VWA1: variants seen among roughly 807,000 people sequenced by gnomAD.
VWA1 encodes von Willebrand factor A domain-containing protein 1.
Under a neutral mutation model 14.9 loss-of-function variants are expected in VWA1, and 12 were observed. The ratio of observed to expected loss-of-function variants is 0.80; its 90% confidence interval spans 0.52 to 1.30. The LOEUF is 1.30. VWA1 is among the 50% of genes most tolerant of loss of function. VWA1 has a pLI of 0.00. For synonymous variants in VWA1, 368 were observed against 310.7 expected, an observed-to-expected ratio of 1.18 and a Z score of -1.94; for missense variants, 800 against 649.1, an observed-to-expected ratio of 1.23 and a Z score of -2.53.
At chr1:1,436,665 TG>T (rs1001444346) in intron 1 of VWA1, 3 of 433,754 alleles carry the variant, frequency 6.9e-6, no homozygotes, top group African/African-American at 2.0e-5. Flanking sequence ...TGGGAAGGTG[TG>T]GGGGCTTGGA....
intron 1 of VWA1, 131 bp downstream of exon 1, chr1:1,435,952 G>A (rs1157698513): frequency 4.4e-5 from 30 of 688,420 alleles, no homozygotes; most frequent in Non-Finnish European, 5.4e-5. Context: ...GAGCCGGGCG[G>A]GGGCGCGGGC....
chr1:1,436,288 C>T (rs899379190), intron 1 of VWA1, among the ~76,000 whole-genome samples: 1 of 152,128 alleles, frequency 6.6e-6, no homozygotes, highest in African/African-American at 2.4e-5. Context: ...CCCGGAGGTG[C>T]CCGGAGGAAG....
chr1:1,441,503 G>C lies in VWA1; in HGVS notation c.*1716G>C, dbSNP rs564154303. The stretch of plus-strand genomic sequence containing the variant: ...CCCCTTAGCCCCCAAGTCAGGCCAC[G>C]GAGGCCTGAGTAGGACCCATGGGCT... On this transcript the variant is annotated 3_prime_UTR_variant, in exon 3 of 3. Transcript: ENST00000476993. The C allele has an allele frequency of 6.6e-6, 1 of 152,512 alleles. No homozygotes were observed. Among genetic ancestry groups the C allele is most frequent in the Non-Finnish European group, 1.5e-5 (1 of 68,308 alleles). The allele number at this position is 152,512 out of a possible 1,614,324, so 9.4% of individuals were successfully genotyped here. A position where few individuals can be genotyped will look rare whatever the true frequency, so the allele number is the denominator to read the frequency against.
intron 2 of VWA1, 105 bp from the exon 3 acceptor site, chr1:1,438,976 C>T (rs1638600053): frequency 2.1e-6 from 3 of 1,444,830 alleles, no homozygotes; most frequent in Non-Finnish European, 1.8e-6. Flanking sequence ...CCCGTCTTTC[C>T]TAGTGGGGCC....
Position 1,437,070 on chromosome 1 carries a change from G to A in VWA1, c.217G>A (p.Ala73Thr), listed in dbSNP as rs2100452426. ...PLPLGTGALR[A>T]SLVHVGSRPY... ...GCCCCTGGGCACCGGGGCCCTGCGT[G>A]CCAGTCTGGTGCACGTGGGCAGTCG... The change falls in exon 2 of 3, where the codon GCC becomes ACC. Residue 73 changes from alanine to threonine, a missense_variant. Physicochemically the swap from Ala to Thr is moderately conservative, Grantham distance 58 (BLOSUM62 0). Coordinates refer to ENST00000476993, the MANE Select transcript of VWA1 (RefSeq NM_022834.5). 8 of 1,609,654 alleles carry A rather than the reference G, an allele frequency of 5.0e-6. No homozygotes were observed. Among genetic ancestry groups the A allele is most frequent in the East Asian group, 2.2e-5 (1 of 44,808 alleles).
chr1:1,441,161 A>C lies in VWA1; in HGVS notation c.*1374A>C, dbSNP rs968109278. The C allele has an allele frequency of 2.0e-5, 3 of 152,186 alleles. No homozygotes were observed. Among genetic ancestry groups the C allele is most frequent in the African/African-American group, 7.2e-5 (3 of 41,424 alleles). 9.4% of individuals were successfully genotyped at this position (152,186 alleles called of 1,614,324 possible). ...TCTGCGTGACCCCAGGAACTGCAGC[A>C]TTGAGGTGGTCTCAGTCCCTCCCTC... is the stretch of plus-strand genomic sequence containing the variant. On this transcript the variant is annotated 3_prime_UTR_variant, in exon 3 of 3. Coordinates refer to ENST00000476993, the MANE Select transcript of VWA1 (RefSeq NM_022834.5).
Position 1,439,679 on chromosome 1 carries a change from C to T in VWA1, c.1230C>T (p.Gly410=). The change falls in exon 3 of 3, where the codon GGC becomes GGT. Residue 410 remains glycine (G), a synonymous_variant. Transcript: ENST00000476993. ...CCGTGACCGCCGCCTTCCGCTCGGG[C>T]CGCGAGAGCGCGCTGTCCGCCAAGG... ...LVTVTAAFRS[G]RESALSAKAC... 3.9e-6 allele frequency: 5 copies of T among 1,297,752 alleles called. No individual in the cohort carries two copies. The highest frequency in any genetic ancestry group is 4.9e-6 in the Non-Finnish European group (5 of 1,013,718). 80.4% of individuals were successfully genotyped at this position (1,297,752 alleles called of 1,614,324 possible). A position where few individuals can be genotyped will look rare whatever the true frequency, so the allele number is the denominator to read the frequency against.
rs1319972944 is a variant in VWA1 at position 1,436,535 on chromosome 1, C to T, written c.74-392C>T. On this transcript the variant is annotated intron_variant, in intron 1 of 2. Coordinates refer to ENST00000476993, the MANE Select transcript of VWA1 (RefSeq NM_022834.5). ...GCAGGCTGAGCTGCGTGGCTGAACTCCAGCCTCAGGCTGCTCCTCTGAAAG... is the reference window on the plus strand; with the variant it reads ...GCAGGCTGAGCTGCGTGGCTGAACTTCAGCCTCAGGCTGCTCCTCTGAAAG... Among the ~76,000 whole-genome samples, 3 of 152,240 alleles carry T rather than the reference C, an allele frequency of 2.0e-5. No homozygotes were observed. The East Asian group carries it at 5.8e-4, about 29-fold the overall frequency.
rs757761707 is a variant in VWA1, at chr1:1,439,084, C to G, written c.635C>G (p.Ala212Gly). Reference sequence around the variant, plus strand: ...TGACCCCCTGCACCACCCACAGACGCGATGCGGCCGCAGCAGCTCCATGCC... The same window carrying G: ...TGACCCCCTGCACCACCCACAGACGGGATGCGGCCGCAGCAGCTCCATGCC... ...VQELRGSILD[A>G]MRPQQLHATE... The change falls in exon 3 of 3, where the codon GCG becomes GGG. Residue 212 changes from alanine (A) to glycine (G), a missense_variant. Coordinates refer to ENST00000476993, the MANE Select transcript of VWA1 (RefSeq NM_022834.5). 1.9e-6 allele frequency: 3 copies of G among 1,597,764 alleles called. No individual in the cohort carries two copies. The highest frequency in any genetic ancestry group is 2.5e-6 in the Non-Finnish European group (3 of 1,179,122).
At position 1,435,712 on chromosome 1, in the gene VWA1, G is replaced by T. The variant is rs1241241848; in HGVS notation, c.-37G>T. Reference sequence around the variant, plus strand: ...TGCAGCCCCGAGCGAGCGAGCGAGCGAGCGAGTTGCCGAGCGCGCCCCGTC... The same window carrying T: ...TGCAGCCCCGAGCGAGCGAGCGAGCTAGCGAGTTGCCGAGCGCGCCCCGTC... On this transcript the variant is annotated 5_prime_UTR_variant, in exon 1 of 3. Coordinates refer to ENST00000476993, the MANE Select transcript of VWA1 (RefSeq NM_022834.5). 5.1e-6 allele frequency: 6 copies of T among 1,185,554 alleles called. No individual in the cohort carries two copies. The highest frequency in any genetic ancestry group is 4.7e-5 in the South Asian group (2 of 42,922). The allele number at this position is 1,185,554 out of a possible 1,614,324, so 73.4% of individuals were successfully genotyped here. A position where few individuals can be genotyped will look rare whatever the true frequency, so the allele number is the denominator to read the frequency against.
intron 1 of VWA1, 157 bp from the exon 2 acceptor site, chr1:1,436,770 G>A (rs982399614): frequency 1.4e-6 from 1 of 703,180 alleles, no homozygotes; most frequent in Non-Finnish European, 2.4e-6. Context: ...CAAAAGTACA[G>A]GCCTCTTGCT....
At position 1,437,613 on chromosome 1, in the gene VWA1, T is replaced by C. The variant is rs1011686465; in HGVS notation, c.631+129T>C. 3.4e-6 allele frequency: 4 copies of C among 1,182,474 alleles called. No individual in the cohort carries two copies. The African/African-American group carries it at 4.6e-5, about 14-fold the overall frequency. 73.2% of individuals were successfully genotyped at this position (1,182,474 alleles called of 1,614,324 possible). On this transcript the variant is annotated intron_variant, in intron 2 of 2. Transcript: ENST00000476993. ...AGGGCCTCCGGGGCTGTGGTACCCCTAGGGTGCAGGGCTGAGTGATGCAGC... is the reference window on the plus strand; with the variant it reads ...AGGGCCTCCGGGGCTGTGGTACCCCCAGGGTGCAGGGCTGAGTGATGCAGC...
intron 1 of VWA1, among the ~76,000 whole-genome samples, chr1:1,436,302 G>A (rs1399887315): frequency 2.6e-5 from 4 of 152,198 alleles, no homozygotes; most frequent in Non-Finnish European, 5.9e-5. Context: ...GAGGAAGGGG[G>A]AAGCCTGCGA....
chr1:1,439,730 G>GCGCCCA lies in VWA1; in HGVS notation c.1287_1292dup (p.Arg430_Pro431dup), dbSNP rs1279198649. On this transcript the variant is annotated inframe_insertion, in exon 3 of 3. Transcript: ENST00000476993. ...CCTGCACGCCCGACGGCCCGCGCCC[G>GCGCCCA]CGCCCACGCCCCGTGCCCCGCGCCC... 2.7e-6 allele frequency: 3 copies of GCGCCCA among 1,131,068 alleles called. No individual in the cohort carries two copies. Among genetic ancestry groups the GCGCCCA allele is most frequent in the African/African-American group, 1.7e-5 (1 of 58,904 alleles). The allele number at this position is 1,131,068 out of a possible 1,614,324, so 70.1% of individuals were successfully genotyped here.
At position 1,439,783 on chromosome 1, in the gene VWA1, C is replaced by T; in HGVS notation, c.1334C>T (p.Pro445Leu). The T allele has an allele frequency of 4.6e-6, 5 of 1,075,784 alleles. No homozygotes were observed. The highest frequency in any genetic ancestry group is 5.6e-6 in the Non-Finnish European group (5 of 888,382). 66.6% of individuals were successfully genotyped at this position (1,075,784 alleles called of 1,614,324 possible). A position where few individuals can be genotyped will look rare whatever the true frequency, so the allele number is the denominator to read the frequency against. The change falls in exon 3 of 3, where the codon CCG (proline) becomes CTG (leucine). Residue 445 changes from proline (P) to leucine (L), a missense_variant. Transcript: ENST00000476993. Reference protein sequence around the residue: ...APTPGTASREP With the variant: ...APTPGTASREL Reference sequence around the variant, plus strand: ...ACCCCGGGGACCGCCAGCCGTGAGCCGTAAGCCGGCGTCCCCGCCCAGCCG... The same window carrying T: ...ACCCCGGGGACCGCCAGCCGTGAGCTGTAAGCCGGCGTCCCCGCCCAGCCG...
In VWA1 at chr1:1,439,768, C is replaced by T. The variant is rs1638624654; in HGVS notation, c.1319C>T (p.Thr440Ile). Residue 440 changes from threonine (T) to isoleucine (I), a missense_variant, in exon 3 of 3, where the codon ACC becomes ATC. By Grantham distance (89) the Thr-to-Ile change is moderately conservative. Coordinates refer to ENST00000476993, the MANE Select transcript of VWA1 (RefSeq NM_022834.5). ...GTGCCCCGCGCCCCGACCCCGGGGA[C>T]CGCCAGCCGTGAGCCGTAAGCCGGC... ...RPVPRAPTPG[T>I]ASREP 9.2e-7 allele frequency: 1 copy of T among 1,084,292 alleles called. No individual in the cohort carries two copies. The highest frequency in any genetic ancestry group is 1.1e-6 in the Non-Finnish European group (1 of 894,448). The allele number at this position is 1,084,292 out of a possible 1,614,324, so 67.2% of individuals were successfully genotyped here.
Position 1,439,671 on chromosome 1 carries a change from C to A in VWA1, c.1222C>A (p.Arg408Ser). 7.6e-7 allele frequency: 1 copy of A among 1,307,786 alleles called. No homozygotes were observed. Among genetic ancestry groups the A allele is most frequent in the South Asian group, 1.5e-5 (1 of 66,512 alleles). The allele number at this position is 1,307,786 out of a possible 1,614,324, so 81.0% of individuals were successfully genotyped here. ...AYLVTVTAAF[R>S]SGRESALSAK... The stretch of plus-strand genomic sequence containing the variant: ...CCTGGTGACCGTGACCGCCGCCTTC[C>A]GCTCGGGCCGCGAGAGCGCGCTGTC... The change falls in exon 3 of 3, where the codon CGC (arginine) becomes AGC (serine). Residue 408 changes from arginine (R) to serine (S), a missense_variant. Coordinates refer to ENST00000476993, the MANE Select transcript of VWA1 (RefSeq NM_022834.5).
Position 1,437,414 on chromosome 1 carries a change from G to A in VWA1, c.561G>A (p.Glu187=). ...CAGCCGCTGCCTCAGCCCCTGCCGAGAAGCACCTGCACTTTGTGGACGTGG... is the reference window on the plus strand; with the variant it reads ...CAGCCGCTGCCTCAGCCCCTGCCGAAAAGCACCTGCACTTTGTGGACGTGG... ...ELSAAASAPA[E]KHLHFVDVDD... is the part of the protein sequence containing the mutation. Residue 187 remains glutamate (E), a synonymous_variant, in exon 2 of 3, where the codon GAG becomes GAA. Transcript: ENST00000476993. 6.2e-7 allele frequency: 1 copy of A among 1,612,826 alleles called. No homozygotes were observed. Among genetic ancestry groups the A allele is most frequent in the Non-Finnish European group, 8.5e-7 (1 of 1,179,998 alleles).
Position 1,439,645 on chromosome 1 carries a change from A to G in VWA1, c.1196A>G (p.Tyr399Cys). ...TLQGLAPGTA[Y>C]LVTVTAAFRS... ...CAGGGCCTGGCGCCGGGCACCGCCT[A>G]CCTGGTGACCGTGACCGCCGCCTTC... The change falls in exon 3 of 3, where the codon TAC becomes TGC. Residue 399 changes from tyrosine to cysteine, a missense_variant. By Grantham distance (194) the Tyr-to-Cys change is radical (BLOSUM62 -2). Coordinates refer to ENST00000476993, the MANE Select transcript of VWA1 (RefSeq NM_022834.5). 7.5e-7 allele frequency: 1 copy of G among 1,325,276 alleles called. No individual in the cohort carries two copies. The highest frequency in any genetic ancestry group is 9.7e-7 in the Non-Finnish European group (1 of 1,030,950). 82.1% of individuals were successfully genotyped at this position (1,325,276 alleles called of 1,614,324 possible).
Sources: gnomAD v4.1 joint callset for allele counts (sites outside exome capture counted in the v4.1 genomes callset) on GRCh38, gnomAD v4.1.1 for gene constraint, MANE v1.5 for transcripts, NCBI Gene and HGNC (gene_info 2026-07-23, HGNC 2026-07-21) for gene names.